The following HERC6 variants were observed in gnomAD, a reference collection of about 807,000 sequenced individuals.
The protein encoded by HERC6 is HECT and RLD domain containing E3 ubiquitin protein ligase family member 6.
Under a neutral mutation model 114.5 loss-of-function variants are expected in HERC6, and 101 were observed. The observed-to-expected ratio is 0.88, with a 90% CI of 0.75 to 1.04. The LOEUF is 1.04. Ranked by LOEUF, HERC6 falls within the 50% of genes least tolerant of loss-of-function variation. The pLI, the probability that HERC6 is intolerant of heterozygous loss-of-function variation, is 0.00. For synonymous variants in HERC6, 408 were observed against 436.2 expected (o/e 0.94, Z 0.81); for missense variants, 1,133 against 1,230.9 (o/e 0.92, Z 1.19).
At position 88,440,134 on chromosome 4, in the gene HERC6, C is replaced by T. The variant is rs774927744; in HGVS notation, c.2740-14C>T. ...CACCCCACTCAAATCATTTTTCTCC[C>T]TCTTTCTCTCAAGAATTCAAAGTAT... On this transcript the variant is annotated splice_polypyrimidine_tract_variant and intron_variant, in intron 21 of 22. Coordinates refer to ENST00000264346, the MANE Select transcript of HERC6 (RefSeq NM_017912.4). The T allele has an allele frequency of 8.1e-6, 13 of 1,603,610 alleles. No individual in the cohort carries two copies. Among genetic ancestry groups the T allele is most frequent in the South Asian group, 7.8e-5 (7 of 89,964 alleles).
intron 11 of HERC6, among the ~76,000 whole-genome samples, chr4:88,411,983 C>A (rs1191500385): frequency 6.6e-6 from 1 of 152,158 alleles, no homozygotes; most frequent in Non-Finnish European, 1.5e-5. Flanking sequence ...TTCCTATAAA[C>A]CCAGGAGGAA....
chr4:88,395,400 C>T (rs1735175172), intron 5 of HERC6, among the ~76,000 whole-genome samples: 1 of 151,968 alleles, frequency 6.6e-6, no homozygotes, highest in Non-Finnish European at 1.5e-5. Flanking sequence ...TTATTAAGTA[C>T]CTAATTCTTT....
chr4:88,436,899 C>T lies in HERC6; in HGVS notation c.2418-6C>T. ...ATATAATTTTTAAAACCAAAATCTT[C>T]ATTAGGAGTTTGCAAGAAGTTCTAG... On this transcript the variant is annotated splice_region_variant and splice_polypyrimidine_tract_variant and intron_variant, in intron 18 of 22. Transcript: ENST00000264346. 1 of 1,593,932 alleles carries T rather than the reference C, an allele frequency of 6.3e-7. No individual in the cohort carries two copies. Among genetic ancestry groups the T allele is most frequent in the Non-Finnish European group, 8.6e-7 (1 of 1,169,532 alleles).
Position 88,431,166 on chromosome 4 carries a change from A to G in HERC6, c.2111A>G (p.Glu704Gly), listed in dbSNP as rs1315091995. Residue 704 changes from glutamate to glycine, a missense_variant, in exon 17 of 23, where the codon GAA becomes GGA. Coordinates refer to ENST00000264346, the MANE Select transcript of HERC6 (RefSeq NM_017912.4). ...GACTATGTTCTCTTTCCTTAGGTTG[A>G]ATTTATTAATGAAATTTGTCCTGAG... ...ATDFCKVLVV[E>G]FINEICPESG... 2 of 1,606,072 alleles carry G rather than the reference A, an allele frequency of 1.2e-6. No homozygotes were observed. Among genetic ancestry groups the G allele is most frequent in the Non-Finnish European group, 1.7e-6 (2 of 1,177,594 alleles).
chr4:88,411,061 G>T (rs1405355598), intron 11 of HERC6, among the ~76,000 whole-genome samples: 1 of 152,116 alleles, frequency 6.6e-6, no homozygotes, highest in Non-Finnish European at 1.5e-5. Context: ...CATTTTGATG[G>T]GTCTGAGTGG....
chr4:88,387,357 A>ATT (rs1202294352), intron 3 of HERC6, among the ~76,000 whole-genome samples: 41 of 152,344 alleles, frequency 2.7e-4, no homozygotes, highest in Admixed American at 1.3e-3. Context: ...TGATTGTGCC[A>ATT]CTGCATTCCA....
chr4:88,431,549 T>C (rs932019111), intron 17 of HERC6, among the ~76,000 whole-genome samples: 7 of 152,208 alleles, frequency 4.6e-5, no homozygotes, highest in African/African-American at 1.7e-4. Flanking sequence ...ATAAGATCCT[T>C]AGGTGATTCA....
intron 15 of HERC6, 89 bp from the exon 16 acceptor site, chr4:88,428,491 A>G (rs1384335485): frequency 2.4e-5 from 24 of 982,440 alleles, no homozygotes; most frequent in Non-Finnish European, 3.4e-5. Flanking sequence ...AGTATATACT[A>G]CACAAAATGT....
At chr4:88,404,261 T>G (rs1377377980) in intron 8 of HERC6, among the ~76,000 whole-genome samples, 3 of 151,660 alleles carry the variant, frequency 2.0e-5, no homozygotes, top group Non-Finnish European at 2.9e-5. Context: ...GGTATGATCT[T>G]GTCTCACTGC....
At chr4:88,398,251 C>A in intron 8 of HERC6, 42 bp downstream of exon 8, 1 of 1,264,580 alleles carries the variant, frequency 7.9e-7, no homozygotes, top group South Asian at 1.5e-5. Flanking sequence ...ATTATTTTTT[C>A]TCAAGATTTC....
rs866345038 is a variant in HERC6 at position 88,421,487 on chromosome 4, G to T, written c.1714-2373G>T. ...TTTTGAGACGGATTCTTGCTCTGTT[G>T]CCCAGGCTGGAATGCAGTGGCAGGA... On this transcript the variant is annotated intron_variant, in intron 13 of 22. Transcript: ENST00000264346. 7.6e-5 allele frequency among the ~76,000 whole-genome samples: 10 copies of T among 131,620 alleles called. No homozygotes were observed. In the South Asian group the frequency reaches 1.4e-3, roughly 19 times the overall value. 86.3% of individuals were successfully genotyped at this position (131,620 alleles called of 152,430 possible).
intron 3 of HERC6, among the ~76,000 whole-genome samples, chr4:88,386,497 T>A (rs1466221294): frequency 6.6e-6 from 1 of 152,150 alleles, no homozygotes; most frequent in African/African-American, 2.4e-5. Flanking sequence ...TGAGCCACTG[T>A]GCCCGGTCCC....
At chr4:88,436,871 TA>T in intron 18 of HERC6, 33 bp from the exon 19 acceptor site, 1 of 1,464,620 alleles carries the variant, frequency 6.8e-7, no homozygotes, top group Non-Finnish European at 9.4e-7. Flanking sequence ...ATAAGATCAA[TA>T]AATATAATTT....
intron 7 of HERC6, among the ~76,000 whole-genome samples, chr4:88,397,199 G>A (rs1735283296): frequency 6.6e-6 from 1 of 151,612 alleles, no homozygotes; most frequent in South Asian, 2.1e-4. Flanking sequence ...CATAACCTCC[G>A]CCTCCTGGGT....
chr4:88,406,887 G>A (rs1459498362), intron 10 of HERC6, among the ~76,000 whole-genome samples: 1 of 151,828 alleles, frequency 6.6e-6, no homozygotes, highest in Admixed American at 6.6e-5. Context: ...CTCCTGAATA[G>A]CTGGGATTAC....
chr4:88,380,940 A>C (rs1023691930), intron 1 of HERC6, among the ~76,000 whole-genome samples: 1 of 151,840 alleles, frequency 6.6e-6, no homozygotes, highest in Non-Finnish European at 1.5e-5. Context: ...TATTTATGCA[A>C]CTCTGTACAT....
At chr4:88,420,899 A>C (rs1201169196) in intron 13 of HERC6, among the ~76,000 whole-genome samples, 1 of 152,176 alleles carries the variant, frequency 6.6e-6, no homozygotes, top group Non-Finnish European at 1.5e-5. Context: ...CCCTATACCC[A>C]TTAGCAGTCA....
At chr4:88,431,339 C>G in intron 17 of HERC6, 34 bp downstream of exon 17, 1 of 1,569,858 alleles carries the variant, frequency 6.4e-7, no homozygotes, top group Non-Finnish European at 8.6e-7. Flanking sequence ...TCCCCCAGAA[C>G]AGAAAAGGCA....
At position 88,442,779 on chromosome 4, in the gene HERC6, T is replaced by C. The variant is rs1028378886; in HGVS notation, c.*319T>C. The C allele has an allele frequency of 1.7e-5, 6 of 350,666 alleles. No homozygotes were observed. The highest frequency in any genetic ancestry group is 8.2e-5 in the African/African-American group (4 of 48,586). The allele number at this position is 350,666 out of a possible 1,614,324, so 21.7% of individuals were successfully genotyped here. On this transcript the variant is annotated 3_prime_UTR_variant, in exon 23 of 23. Transcript: ENST00000264346. ...GGTATCAAACCACATCAGCCTCTGA[T>C]TGGCCATGGGCCAGACCTGCACTCT...
Sources: gnomAD v4.1 joint callset for allele counts (sites outside exome capture counted in the v4.1 genomes callset) on GRCh38, gnomAD v4.1.1 for gene constraint, MANE v1.5 for transcripts, NCBI Gene and HGNC (gene_info 2026-07-23, HGNC 2026-07-21) for gene names.